Variants in CEP250 observed in about 807,000 individuals in gnomAD.
CEP250 encodes centrosome-associated protein CEP250.
A neutral mutation model predicts 315.7 loss-of-function variants in CEP250; 242 were observed. The observed-to-expected ratio is 0.77, with a 90% CI of 0.69 to 0.85. The LOEUF (loss-of-function observed/expected upper bound fraction) is 0.85. Among genes scored for constraint, CEP250 ranks in the 40% least tolerant of loss-of-function variants. CEP250 has a pLI of 0.00. For synonymous variants in CEP250, 1,088 were observed against 1,175.0 expected (o/e 0.93, Z 1.51); for missense variants, 2,515 against 2,886.4 (o/e 0.87, Z 2.95).
chr20:35,462,587 G>C, intron 4 of CEP250, 34 bp downstream of exon 4: 1 of 1,545,588 alleles, frequency 6.5e-7, no homozygotes, highest in Middle Eastern at 1.7e-4. Context: ...AGGGGAAAGA[G>C]AACAACCCCC....
rs1330958695 is a variant in CEP250, at chr20:35,479,654, A to G, written c.2297A>G (p.Lys766Arg). Residue 766 changes from lysine (K) to arginine (R), a missense_variant, in exon 19 of 35, where the codon AAG becomes AGG. Lys to Arg is a conservative substitution (Grantham distance 26, BLOSUM62 2). Transcript: ENST00000397527. The part of the protein sequence containing the change: ...AEQLQGLSSA[K>R]ELLESSLFEA... The stretch of plus-strand genomic sequence containing the variant: ...ATTCCTGAACCTCACAGCTCAGCCA[A>G]GGAGCTACTGGAGAGCAGTCTGTTT... 3.7e-6 allele frequency: 6 copies of G among 1,614,092 alleles called. No individual in the cohort carries two copies. Among genetic ancestry groups the G allele is most frequent in the Non-Finnish European group, 4.2e-6 (5 of 1,180,040 alleles).
chr20:35,503,107 G>A lies in CEP250; in HGVS notation c.4738G>A (p.Glu1580Lys), dbSNP rs762718386. ...ECQQKLIKEL[E>K]GQRETQRVAL... ...CCAGCAAAAACTGATCAAGGAGCTG[G>A]AGGGCCAGAGGGAAACCCAGAGAGT... Residue 1580 changes from glutamate to lysine, a missense_variant, in exon 30 of 35, where the codon GAG becomes AAG. Physicochemically the swap from Glu to Lys is moderately conservative, Grantham distance 56. Transcript: ENST00000397527. This position sits in a 1 kb window ranked among gnomAD's most constrained non-coding sequence, Gnocchi z 4.2. The A allele has an allele frequency of 3.1e-6, 5 of 1,614,168 alleles. No individual in the cohort carries two copies. In the Admixed American group the frequency reaches 8.3e-5, roughly 27 times the overall value.
intron 30 of CEP250, 74 bp downstream of exon 30, chr20:35,505,079 C>A: frequency 7.6e-7 from 1 of 1,322,684 alleles, no homozygotes; most frequent in Non-Finnish European, 1.0e-6. Flanking sequence ...TGCCCACCAC[C>A]CTGGGCCCTG....
At position 35,480,030 on chromosome 20, in the gene CEP250, A is replaced by G; in HGVS notation, c.2471A>G (p.Gln824Arg). Residue 824 changes from glutamine to arginine, a missense_variant, in exon 20 of 35, where the codon CAG (glutamine) becomes CGG (arginine). Physicochemically the swap from Gln to Arg is conservative, Grantham distance 43. Coordinates refer to ENST00000397527, the MANE Select transcript of CEP250 (RefSeq NM_007186.6). The stretch of plus-strand genomic sequence containing the variant: ...GACACTGAACGGAGTCAGGCAGAGC[A>G]GGAGCGGGATGCTGCAGCCAGACAG... ...ELDTERSQAE[Q>R]ERDAAARQLA... The G allele has an allele frequency of 6.2e-7, 1 of 1,613,660 alleles. No individual in the cohort carries two copies. Among genetic ancestry groups the G allele is most frequent in the Non-Finnish European group, 8.5e-7 (1 of 1,180,032 alleles).
At position 35,509,586 on chromosome 20, in the gene CEP250, T is replaced by A. The variant is rs561711993; in HGVS notation, c.7009-412T>A. Among the ~76,000 whole-genome samples the A allele has an allele frequency of 2.1e-4, 32 of 152,326 alleles. 2 individuals carry two copies. The South Asian group carries it at 6.6e-3, about 32-fold the overall frequency. On this transcript the variant is annotated intron_variant, in intron 33 of 34. Transcript: ENST00000397527. The stretch of plus-strand genomic sequence containing the variant: ...GGCTTGCAGCCTGACAGGGAGGCGC[T>A]GTTTATGGTGGCTGAGCACTAGATC...
intron 10 of CEP250, 158 bp downstream of exon 10, chr20:35,470,144 A>T: frequency 1.6e-6 from 1 of 626,264 alleles, no homozygotes; most frequent in Non-Finnish European, 2.9e-6. Context: ...TAATTAACTC[A>T]TTCATTTATT....
At chr20:35,470,610 G>C (rs142320155) in intron 10 of CEP250, among the ~76,000 whole-genome samples, 38 of 152,224 alleles carry the variant, frequency 2.5e-4, no homozygotes, top group Non-Finnish European at 5.0e-4. Context: ...AAAATTAGCC[G>C]GTCGTGGTGG....
chr20:35,465,930 T>G, intron 6 of CEP250, 105 bp downstream of exon 6: 1 of 1,534,654 alleles, frequency 6.5e-7, no homozygotes, highest in Non-Finnish European at 8.9e-7. Flanking sequence ...GCCATAGCCC[T>G]CTAATTCCTG....
Position 35,494,784 on chromosome 20 carries a change from A to T in CEP250, c.3167+127A>T, listed in dbSNP as rs573006332. The T allele has an allele frequency of 2.0e-4, 205 of 1,029,540 alleles. 2 individuals are homozygous for T. In the South Asian group the frequency reaches 3.1e-3, roughly 16 times the overall value. The allele number at this position is 1,029,540 out of a possible 1,614,324, so 63.8% of individuals were successfully genotyped here. A position where few individuals can be genotyped will look rare whatever the true frequency, so the allele number is the denominator to read the frequency against. On this transcript the variant is annotated intron_variant, in intron 24 of 34. Coordinates refer to ENST00000397527, the MANE Select transcript of CEP250 (RefSeq NM_007186.6). Reference sequence around the variant, plus strand: ...GCAACTCTGGGATGTACATGTAGCCATGTGGAGAGGACATGGTTCCTGTCT... The same window carrying T: ...GCAACTCTGGGATGTACATGTAGCCTTGTGGAGAGGACATGGTTCCTGTCT...
At chr20:35,489,425 T>C (rs895655038) in intron 20 of CEP250, among the ~76,000 whole-genome samples, 4 of 152,280 alleles carry the variant, frequency 2.6e-5, no homozygotes, top group Non-Finnish European at 5.9e-5. Flanking sequence ...CCGCTTTCTG[T>C]GTGCTACGCA....
Position 35,518,137 on chromosome 20 carries a change from T to A in CEP250, c.*6511T>A, listed in dbSNP as rs78176327. On this transcript the variant is annotated 3_prime_UTR_variant, in exon 35 of 35. Coordinates refer to ENST00000397527, the MANE Select transcript of CEP250 (RefSeq NM_007186.6). The stretch of plus-strand genomic sequence containing the variant: ...TCCTCTTCAGAGGCAGCGGGTTTTG[T>A]TTTTTTTTTAACTATGTTTTTCTAC... 3 of 22,974 alleles carry A rather than the reference T, an allele frequency of 1.3e-4. No individual in the cohort carries two copies. The highest frequency in any genetic ancestry group is 2.2e-4 in the African/African-American group (3 of 13,632). The allele number at this position is 22,974 out of a possible 1,614,324, so 1.4% of individuals were successfully genotyped here. A position where few individuals can be genotyped will look rare whatever the true frequency, so the allele number is the denominator to read the frequency against.
intron 13 of CEP250, 23 bp from the exon 14 acceptor site, chr20:35,473,847 C>T (rs562659717): frequency 5.6e-6 from 9 of 1,598,890 alleles, no homozygotes; most frequent in South Asian, 2.3e-5. Flanking sequence ...GGTCTCTGCT[C>T]ATCTCTGATT....
At chr20:35,467,582 G>C in intron 9 of CEP250, 27 bp downstream of exon 9, 7 of 1,607,838 alleles carry the variant, frequency 4.4e-6, no homozygotes, top group African/African-American at 4.0e-5. Flanking sequence ...TCCCAAGAAG[G>C]GTTCGCTGAG....
intron 20 of CEP250, among the ~76,000 whole-genome samples, chr20:35,489,292 G>A (rs1469519245): frequency 1.3e-5 from 2 of 152,108 alleles, no homozygotes; most frequent in African/African-American, 4.8e-5. Context: ...GGATGACACT[G>A]GGAAGGCTGA....
chr20:35,495,206 A>G (rs1207435195), intron 24 of CEP250, among the ~76,000 whole-genome samples: 1 of 152,166 alleles, frequency 6.6e-6, no homozygotes, highest in East Asian at 1.9e-4. Flanking sequence ...TTGGAGCCTG[A>G]TTGGATTGTA....
In CEP250 at chr20:35,490,695, G is replaced by A. The variant is rs764049749; in HGVS notation, c.2645G>A (p.Arg882Lys). Residue 882 changes from arginine to lysine, a missense_variant, in exon 21 of 35, where the codon AGG becomes AAG. Transcript: ENST00000397527. Reference protein sequence around the residue: ...ELAKALESLEREKMELEMRLK... With the variant: ...ELAKALESLEKEKMELEMRLK... ...GCAAAGGCTCTGGAGAGCTTAGAAA[G>A]GGAAAAAATGGAGCTGGAAATGAGG... 1 of 1,613,810 alleles carries A rather than the reference G, an allele frequency of 6.2e-7. No individual in the cohort carries two copies. The highest frequency in any genetic ancestry group is 8.5e-7 in the Non-Finnish European group (1 of 1,179,880).
chr20:35,477,763 C>T, intron 16 of CEP250, 108 bp from the exon 17 acceptor site: 1 of 882,052 alleles, frequency 1.1e-6, no homozygotes, highest in South Asian at 1.7e-5. Flanking sequence ...CTTTGTTCAT[C>T]TTTGGAGAAT....
intron 2 of CEP250, among the ~76,000 whole-genome samples, chr20:35,459,335 A>G (rs2062702918): frequency 6.6e-6 from 1 of 152,052 alleles, no homozygotes; most frequent in South Asian, 2.1e-4. Flanking sequence ...CTTAAGTATT[A>G]CTAATACCAC....
At chr20:35,470,276 C>A in intron 10 of CEP250, 2 of 466,196 alleles carry the variant, frequency 4.3e-6, no homozygotes, top group Non-Finnish European at 3.8e-6. Flanking sequence ...GACACATTGG[C>A]AAATTAGTGA....
Sources: gnomAD v4.1 joint callset for allele counts (sites outside exome capture counted in the v4.1 genomes callset) on GRCh38, gnomAD v4.1.1 for gene constraint, Gnocchi (gnomAD v3.1) non-coding constraint, MANE v1.5 for transcripts, NCBI Gene and HGNC (gene_info 2026-07-23, HGNC 2026-07-21) for gene names.